Variants in MBNL2 observed in about 807,000 individuals in gnomAD.
MBNL2 encodes muscleblind like splicing regulator 2.
Under a neutral mutation model 41.9 loss-of-function variants are expected in MBNL2, and 17 were observed. The observed-to-expected ratio is 0.41, with a 90% CI of 0.28 to 0.61. The LOEUF is 0.61. Among genes scored for constraint, MBNL2 ranks in the 20% least tolerant of loss-of-function variants. The pLI is 0.35. For synonymous variants in MBNL2, 195 were observed against 182.9 expected (o/e 1.07, Z -0.53); for missense variants, 336 against 505.6 (o/e 0.66, Z 3.22).
intron 1 of MBNL2, among the ~76,000 whole-genome samples, chr13:97,233,460 A>C (rs935828796): frequency 1.3e-5 from 2 of 150,494 alleles, no homozygotes; most frequent in African/African-American, 4.9e-5. Flanking sequence ...TCTCTCTTCG[A>C]AGTCTGTACC....
the MBNL2 span, among the ~76,000 whole-genome samples, chr13:97,150,916 C>G: frequency 1.3e-5 from 2 of 152,174 alleles, no homozygotes; most frequent in Non-Finnish European, 2.9e-5. Context: ...TTTGGCCTGC[C>G]CCTAACACAA....
intron 7 of MBNL2, among the ~76,000 whole-genome samples, chr13:97,359,671 A>G (rs1419469713): frequency 6.6e-6 from 1 of 152,192 alleles, no homozygotes; most frequent in Admixed American, 6.5e-5. Flanking sequence ...TTCTTTAAGA[A>G]CAGCTTAAGT....
chr13:97,142,987 G>A, the MBNL2 span, among the ~76,000 whole-genome samples: 1 of 152,090 alleles, frequency 6.6e-6, no homozygotes, highest in East Asian at 1.9e-4. Context: ...GATCCTCTTA[G>A]GACCATGAAC....
Position 97,223,462 on chromosome 13 carries a change from CTG to C in MBNL2, c.-605+934_-605+935del, listed in dbSNP as rs1025371453. 8.5e-5 allele frequency among the ~76,000 whole-genome samples: 13 copies of C among 152,320 alleles called. No homozygotes were observed. In the East Asian group the frequency reaches 9.6e-4, roughly 11 times the overall value. On this transcript the variant is annotated intron_variant, in intron 1 of 8. Transcript: ENST00000679496. ...TAAATTTCTGCCAGGCATGAGGAAA[CTG>C]TGCTTTTTTGTTAGGCCTCGGAAGC...
chr13:97,221,423 C>A (rs972085432), upstream of MBNL2: 2 of 152,018 alleles, frequency 1.3e-5, no homozygotes, highest in African/African-American at 4.8e-5. Flanking sequence ...TTCTCTTCTT[C>A]TGCTTTATCT....
intron 8 of MBNL2, among the ~76,000 whole-genome samples, chr13:97,374,314 A>T (rs1172915571): frequency 6.8e-6 from 1 of 147,658 alleles, no homozygotes; most frequent in Non-Finnish European, 1.5e-5. Context: ...CGCCCAGCTA[A>T]TTTTTTGTAT....
In MBNL2 at chr13:97,391,341, C is replaced by T; in HGVS notation, c.1068C>T (p.Ser356=). The T allele has an allele frequency of 1.3e-6, 2 of 1,518,440 alleles. No individual in the cohort carries two copies. The highest frequency in any genetic ancestry group is 1.1e-5 in the South Asian group (1 of 88,958). 94.1% of individuals were successfully genotyped at this position (1,518,440 alleles called of 1,614,324 possible). A position where few individuals can be genotyped will look rare whatever the true frequency, so the allele number is the denominator to read the frequency against. ...ATSIDNSEII[S]RNGMECQESA... The stretch of plus-strand genomic sequence containing the variant: ...TAACAGATAATTCTGAAATAATCAG[C>T]AGAAACGGAATGGAATGCCAAGAAT... The change falls in exon 9 of 9, where the codon AGC becomes AGT. Residue 356 remains serine (S), a synonymous_variant. Coordinates refer to ENST00000679496, the MANE Select transcript of MBNL2 (RefSeq NM_001382683.1).
At chr13:97,242,070 C>A (rs1403841973) in intron 1 of MBNL2, among the ~76,000 whole-genome samples, 1 of 152,160 alleles carries the variant, frequency 6.6e-6, no homozygotes, top group Non-Finnish European at 1.5e-5. Context: ...CATGTTCCCA[C>A]AACTCGGAGA....
chr13:97,338,803 C>T (rs556546058), intron 3 of MBNL2, among the ~76,000 whole-genome samples: 4 of 152,154 alleles, frequency 2.6e-5, no homozygotes, highest in African/African-American at 9.7e-5. Flanking sequence ...GCTTAGGAGA[C>T]GCCGTGTGTC....
At chr13:97,260,172 A>G (rs2048335968) in intron 1 of MBNL2, among the ~76,000 whole-genome samples, 1 of 152,228 alleles carries the variant, frequency 6.6e-6, no homozygotes, top group Non-Finnish European at 1.5e-5. Flanking sequence ...CTGACCTCCA[A>G]GCTATGTGAC....
At chr13:97,340,672 G>T (rs1051434196) in intron 3 of MBNL2, among the ~76,000 whole-genome samples, 1 of 152,164 alleles carries the variant, frequency 6.6e-6, no homozygotes, top group Non-Finnish European at 1.5e-5. Context: ...TTAATGAGTA[G>T]TAAGTGTCAG....
At chr13:97,310,254 A>G (rs569501478) in intron 2 of MBNL2, among the ~76,000 whole-genome samples, 8 of 152,262 alleles carry the variant, frequency 5.3e-5, no homozygotes, top group African/African-American at 1.9e-4. Flanking sequence ...CAGGGTCTGT[A>G]CCATAAAAAG....
chr13:97,205,215 A>G, the MBNL2 span, among the ~76,000 whole-genome samples: 78 of 142,534 alleles, frequency 5.5e-4, 4 homozygotes, highest in South Asian at 0.013. Context: ...TTATTTATAT[A>G]TTTATATTAA....
intron 1 of MBNL2, among the ~76,000 whole-genome samples, chr13:97,264,109 G>C (rs971279528): frequency 1.3e-5 from 2 of 151,076 alleles, no homozygotes; most frequent in Non-Finnish European, 1.5e-5. Flanking sequence ...CTCCCGAGTA[G>C]CTGGGGCTCG....
the MBNL2 span, among the ~76,000 whole-genome samples, chr13:97,148,122 A>G: frequency 6.6e-6 from 1 of 152,218 alleles, no homozygotes; most frequent in Non-Finnish European, 1.5e-5. Flanking sequence ...GGAAAAGAAT[A>G]ACAAAGCACA....
At position 97,251,424 on chromosome 13, in the gene MBNL2, A is replaced by G. The variant is rs199911996; in HGVS notation, c.-604-24208A>G. On this transcript the variant is annotated intron_variant, in intron 1 of 8. Transcript: ENST00000679496. ...CAAAAATTAAAAACTAAAGAAAAAG[A>G]CATAGCTGATACACTTTCTTAACCC... 6.4e-3 allele frequency among the ~76,000 whole-genome samples: 977 copies of G among 152,218 alleles called. 10 individuals are homozygous for G. Among genetic ancestry groups the G allele is most frequent in the South Asian group, 0.058 (281 of 4,808 alleles).
chr13:97,175,020 T>A, the MBNL2 span, among the ~76,000 whole-genome samples: 1 of 152,170 alleles, frequency 6.6e-6, no homozygotes, highest in African/African-American at 2.4e-5. Flanking sequence ...GCCTCAGGTT[T>A]CCTTTAAGAA....
At chr13:97,151,367 C>A in the MBNL2 span, among the ~76,000 whole-genome samples, 25 of 152,068 alleles carry the variant, frequency 1.6e-4, no homozygotes, top group South Asian at 6.2e-4. Context: ...CCAACCCTGG[C>A]AGATGATGAC....
At chr13:97,326,471 C>T (rs1157797874) in intron 2 of MBNL2, among the ~76,000 whole-genome samples, 2 of 152,170 alleles carry the variant, frequency 1.3e-5, no homozygotes, top group Non-Finnish European at 2.9e-5. Flanking sequence ...AAATTATTTG[C>T]ATATCTAGAC....
Sources: gnomAD v4.1 joint callset for allele counts (sites outside exome capture counted in the v4.1 genomes callset) on GRCh38, gnomAD v4.1.1 for gene constraint, MANE v1.5 for transcripts, NCBI Gene and HGNC (gene_info 2026-07-23, HGNC 2026-07-21) for gene names.